Variants in CACNB2 observed in about 807,000 individuals in gnomAD.
CACNB2 encodes the protein voltage-dependent L-type calcium channel subunit beta-2.
A neutral mutation model predicts 73.3 loss-of-function variants in CACNB2; 42 were observed. The observed-to-expected ratio is 0.57, with a 90% confidence interval of 0.45 to 0.74. The LOEUF (loss-of-function observed/expected upper bound fraction) is 0.74, where lower values mean the gene tolerates loss of function less well. Ranked by LOEUF, CACNB2 falls within the 30% of genes least tolerant of loss-of-function variation. The probability of loss-of-function intolerance (pLI) is 0.00; values close to 1 mark genes in which losing one functional copy is unlikely to be tolerated. For synonymous variants in CACNB2, 348 were observed against 310.3 expected (o/e 1.12, Z -1.28); for missense variants, 940 against 853.0 (o/e 1.10, Z -1.27).
chr10:18,152,390 A>G (rs776792716), intron 2 of CACNB2, among the ~76,000 whole-genome samples: 8 of 152,156 alleles, frequency 5.3e-5, no homozygotes, highest in Non-Finnish European at 7.3e-5. Context: ...ATTTAGAAAG[A>G]AAAAAGATGA....
At chr10:18,416,941 C>T (rs906987289) in intron 3 of CACNB2, among the ~76,000 whole-genome samples, 1 of 151,208 alleles carries the variant, frequency 6.6e-6, no homozygotes, top group Non-Finnish European at 1.5e-5. Context: ...AGGACCCAGG[C>T]TTCTGCCTCA....
intron 2 of CACNB2, among the ~76,000 whole-genome samples, chr10:18,312,657 C>G (rs1315970641): frequency 6.6e-6 from 1 of 152,188 alleles, no homozygotes; most frequent in African/African-American, 2.4e-5. Flanking sequence ...GATCCCTAAT[C>G]TGCTCTTTTC....
intron 2 of CACNB2, among the ~76,000 whole-genome samples, chr10:18,278,228 C>A (rs1375635971): frequency 6.6e-6 from 1 of 152,100 alleles, no homozygotes; most frequent in Non-Finnish European, 1.5e-5. Context: ...ACCTGTAATT[C>A]CAGCATTTTG....
chr10:18,404,812 G>T (rs1167858379), intron 3 of CACNB2, among the ~76,000 whole-genome samples: 1 of 152,158 alleles, frequency 6.6e-6, no homozygotes, highest in Non-Finnish European at 1.5e-5. Context: ...GTTATATAAC[G>T]AAGTACTCTG....
intron 2 of CACNB2, among the ~76,000 whole-genome samples, chr10:18,241,103 G>C (rs2036631932): frequency 6.6e-6 from 1 of 152,150 alleles, no homozygotes; most frequent in African/African-American, 2.4e-5. Flanking sequence ...TTGTCTCTGA[G>C]TTGTCCTGCC....
At chr10:18,337,077 TC>T (rs1796637095) in intron 2 of CACNB2, among the ~76,000 whole-genome samples, 1 of 152,150 alleles carries the variant, frequency 6.6e-6, no homozygotes, top group Non-Finnish European at 1.5e-5. Context: ...AAATTGGTAG[TC>T]CACTTTTTTC....
intron 2 of CACNB2, among the ~76,000 whole-genome samples, chr10:18,386,479 T>G (rs2043239725): frequency 6.9e-6 from 1 of 144,044 alleles, no homozygotes; most frequent in Non-Finnish European, 1.5e-5. Context: ...CTCGGCTCAC[T>G]GCAAGCTCCG....
rs1278302013 is a variant in CACNB2 at position 18,539,305 on chromosome 10, G to A, written c.1564G>A (p.Val522Met). 1.9e-6 allele frequency: 3 copies of A among 1,613,916 alleles called. No homozygotes were observed. Among genetic ancestry groups the A allele is most frequent in the East Asian group, 2.2e-5 (1 of 44,852 alleles). Residue 522 changes from valine to methionine, a missense_variant, in exon 14 of 14, where the codon GTG becomes ATG. Coordinates refer to ENST00000324631, the MANE Select transcript of CACNB2 (RefSeq NM_201596.3). ...TTCCCAAGCTGAAGAAGAACCTAGT[G>A]TGGAACCAGTCAAGAAATCCCAGCA... is the stretch of plus-strand genomic sequence containing the variant. Reference protein sequence around the residue: ...SASQAEEEPSVEPVKKSQHRS... With the variant: ...SASQAEEEPSMEPVKKSQHRS...
At chr10:18,384,524 G>A (rs566712354) in intron 2 of CACNB2, among the ~76,000 whole-genome samples, 18 of 151,938 alleles carry the variant, frequency 1.2e-4, no homozygotes, top group African/African-American at 4.1e-4. Flanking sequence ...TCAGGACTTC[G>A]AGACTACCCT....
At chr10:18,302,054 A>C (rs1238715604) in intron 2 of CACNB2, among the ~76,000 whole-genome samples, 1 of 152,084 alleles carries the variant, frequency 6.6e-6, no homozygotes, top group Admixed American at 6.6e-5. Flanking sequence ...CTTAAGAAAG[A>C]CTAGGAGGAA....
In CACNB2 at chr10:18,538,248, G is replaced by A. The variant is rs774327065; in HGVS notation, c.1371G>A (p.Leu457=). 8.1e-6 allele frequency: 13 copies of A among 1,614,084 alleles called. No individual in the cohort carries two copies. The highest frequency in any genetic ancestry group is 1.1e-5 in the South Asian group (1 of 91,078). The change falls in exon 13 of 14, where the codon CTG becomes CTA. Residue 457 remains leucine (L), a synonymous_variant. Transcript: ENST00000324631. ...EDACEHLADY[L]EAYWKATHPP... is the part of the protein sequence containing the mutation. ...CCTGTGAGCACCTTGCCGACTATCTGGAGGCCTACTGGAAGGCCACCCATC... is the reference window on the plus strand; with the variant it reads ...CCTGTGAGCACCTTGCCGACTATCTAGAGGCCTACTGGAAGGCCACCCATC...
At chr10:18,291,216 C>G (rs1170564412) in intron 2 of CACNB2, among the ~76,000 whole-genome samples, 1 of 152,212 alleles carries the variant, frequency 6.6e-6, no homozygotes, top group Non-Finnish European at 1.5e-5. Flanking sequence ...CTGAGCGGCA[C>G]TAGTGCCTCC....
intron 2 of CACNB2, among the ~76,000 whole-genome samples, chr10:18,161,761 T>A (rs1016733696): frequency 5.9e-5 from 9 of 151,926 alleles, no homozygotes; most frequent in Admixed American, 1.3e-4. Flanking sequence ...CTGTCTCTAC[T>A]AAAAATATTT....
At chr10:18,226,395 G>T (rs1384448703) in intron 2 of CACNB2, among the ~76,000 whole-genome samples, 10 of 152,270 alleles carry the variant, frequency 6.6e-5, no homozygotes, top group Admixed American at 4.6e-4. Context: ...AATGCATTTT[G>T]TTAGCTTTGT....
chr10:18,362,654 G>A (rs1275954592), intron 2 of CACNB2, among the ~76,000 whole-genome samples: 1 of 152,178 alleles, frequency 6.6e-6, no homozygotes, highest in Non-Finnish European at 1.5e-5. Flanking sequence ...GAAAATGCAT[G>A]TAGAGGCTGG....
intron 3 of CACNB2, among the ~76,000 whole-genome samples, chr10:18,443,147 AGTTTTTAAGGGTGT>A (rs2046559400): frequency 6.6e-6 from 1 of 151,196 alleles, no homozygotes; most frequent in South Asian, 2.1e-4. Flanking sequence ...TGAGTCGTGA[AGTTTTTAAGGGTGT>A]GAGATATGCT....
intron 3 of CACNB2, among the ~76,000 whole-genome samples, chr10:18,494,796 A>G (rs2049687560): frequency 6.6e-6 from 1 of 151,992 alleles, no homozygotes; most frequent in East Asian, 1.9e-4. Flanking sequence ...GGTAAAACTG[A>G]GTTTGATGAA....
chr10:18,309,388 G>A (rs182703488), intron 2 of CACNB2, among the ~76,000 whole-genome samples: 236 of 152,338 alleles, frequency 1.5e-3, no homozygotes, highest in African/African-American at 5.2e-3. Context: ...AACACAGGTG[G>A]TTGGGTCGGG....
chr10:18,256,969 G>T (rs940200357), intron 2 of CACNB2: 4 of 151,994 alleles, frequency 2.6e-5, no homozygotes, highest in African/African-American at 9.7e-5. Context: ...AATAACAATA[G>T]TAATAATAGT....
Sources: allele counts gnomAD v4.1 joint callset (sites outside exome capture counted in the v4.1 genomes callset), GRCh38; gene constraint gnomAD v4.1.1; transcripts MANE v1.5; gene names NCBI Gene and HGNC (gene_info 2026-07-23, HGNC 2026-07-21).